Variants in CHTF18 observed in about 807,000 individuals in gnomAD.
The protein encoded by CHTF18 is chromosome transmission fidelity protein 18 homolog.
Under a neutral mutation model 113.4 loss-of-function variants are expected in CHTF18, and 151 were observed. The observed-to-expected ratio is 1.33, with a 90% confidence interval of 1.17 to 1.52. The LOEUF (loss-of-function observed/expected upper bound fraction) is 1.52, where lower values mean the gene tolerates loss of function less well. CHTF18 is among the 40% of genes most tolerant of loss of function. The probability of loss-of-function intolerance (pLI) is 0.00; values close to 1 mark genes in which losing one functional copy is unlikely to be tolerated. For synonymous variants in CHTF18, 916 were observed against 598.8 expected, an observed-to-expected ratio of 1.53 and a Z score of -7.74; for missense variants, 1,982 against 1,381.6, an observed-to-expected ratio of 1.43 and a Z score of -6.89.
At chr16:789,444 G>T in intron 3 of CHTF18, 84 bp downstream of exon 3, 1 of 1,533,326 alleles carries the variant, frequency 6.5e-7, no homozygotes, top group South Asian at 1.2e-5. Flanking sequence ...GATGAGGCCT[G>T]GGGGGTGGGG....
At chr16:796,232 AG>A (rs199635077) in intron 18 of CHTF18, among the ~76,000 whole-genome samples, 155 bp downstream of exon 18, 3,060 of 152,292 alleles carry the variant, frequency 0.02, 39 homozygotes, top group Non-Finnish European at 0.03. Context: ...GTAACCGTGA[AG>A]GGGGGTCACT....
rs781238745 is a variant in CHTF18 at position 788,656 on chromosome 16, C to A, written c.-29C>A. On this transcript the variant is annotated 5_prime_UTR_variant, in exon 1 of 22. Coordinates refer to ENST00000262315, the MANE Select transcript of CHTF18 (RefSeq NM_022092.3). The stretch of plus-strand genomic sequence containing the variant: ...GACGGCGGCGGCGGCGCGGGAGGTT[C>A]GGAGCGGGAGCTCGGGCTCGCGGAC... 2.0e-6 allele frequency: 3 copies of A among 1,489,950 alleles called. No individual in the cohort carries two copies. The highest frequency in any genetic ancestry group is 1.5e-5 in the African/African-American group (1 of 68,790). 92.3% of individuals were successfully genotyped at this position (1,489,950 alleles called of 1,614,324 possible).
rs776114165 is a variant in CHTF18 at position 789,111 on chromosome 16, G to C, written c.272G>C (p.Gly91Ala). 5.8e-5 allele frequency: 89 copies of C among 1,536,324 alleles called. No individual in the cohort carries two copies. In the South Asian group the frequency reaches 9.5e-4, roughly 16 times the overall value. ...RQVDADLQPA[G>A]SLPHAPRIKR... ...GTGGACGCCGACCTGCAGCCGGCCG[G>C]GTCCCTGCCCCACGGTAGGTTGGCG... Residue 91 changes from glycine to alanine, a missense_variant, in exon 2 of 22, where the codon GGG becomes GCG. Transcript: ENST00000262315.
intron 12 of CHTF18, 59 bp downstream of exon 12, chr16:792,870 C>T: frequency 3.9e-6 from 6 of 1,529,386 alleles, no homozygotes; most frequent in Middle Eastern, 1.8e-4. Flanking sequence ...TGGCCTCGTT[C>T]TGGCCCCTGT....
Position 794,214 on chromosome 16 carries a change from C to T in CHTF18, c.1950+13C>T. On this transcript the variant is annotated intron_variant, in intron 15 of 21. Transcript: ENST00000262315. Reference sequence around the variant, plus strand: ...GAAGGTGGTCCAGGTACCTGTCTTCCACCAAAATGCCTGCCTGGGGCCGCC... The same window carrying T: ...GAAGGTGGTCCAGGTACCTGTCTTCTACCAAAATGCCTGCCTGGGGCCGCC... The T allele has an allele frequency of 1.2e-6, 2 of 1,607,188 alleles. No individual in the cohort carries two copies. The highest frequency in any genetic ancestry group is 1.7e-6 in the Non-Finnish European group (2 of 1,175,612).
At position 795,714 on chromosome 16, in the gene CHTF18, C is replaced by A; in HGVS notation, c.2205C>A (p.Asn735Lys). The A allele has an allele frequency of 6.2e-7, 1 of 1,605,064 alleles. No individual in the cohort carries two copies. Among genetic ancestry groups the A allele is most frequent in the Non-Finnish European group, 8.5e-7 (1 of 1,177,680 alleles). ...AGAACCGGATGAGCCAGATGAGGAA[C>A]CTGATCCAGACGCTGGTGTCCGGCA... ...EAQNRMSQMR[N>K]LIQTLVSGIA... The change falls in exon 17 of 22, where the codon AAC becomes AAA. Residue 735 changes from asparagine to lysine, a missense_variant. Transcript: ENST00000262315.
chr16:793,480 T>A (rs1481045711), intron 14 of CHTF18, among the ~76,000 whole-genome samples: 2 of 152,086 alleles, frequency 1.3e-5, no homozygotes, highest in African/African-American at 4.8e-5. Context: ...TAGAGAAGCC[T>A]CCAGGGCCCC....
intron 14 of CHTF18, 142 bp from the exon 15 acceptor site, chr16:793,912 C>G (rs2042268011): frequency 1.1e-6 from 1 of 932,948 alleles, no homozygotes; most frequent in South Asian, 1.6e-5. Flanking sequence ...GCTGTCTCCA[C>G]CTGAGCGAGG....
At chr16:797,592 T>G in intron 20 of CHTF18, 102 bp from the exon 21 acceptor site, 2 of 1,304,228 alleles carry the variant, frequency 1.5e-6, no homozygotes, top group Non-Finnish European at 2.2e-6. Flanking sequence ...TCAGAGGTGT[T>G]CTGGTCCCTC....
At chr16:791,769 A>G (rs1596754388) in intron 8 of CHTF18, 82 bp from the exon 9 acceptor site, 4 of 1,511,178 alleles carry the variant, frequency 2.6e-6, no homozygotes, top group Non-Finnish European at 3.5e-6. Flanking sequence ...CCTGTGGGAC[A>G]CATGTGGCAG....
At position 794,045 on chromosome 16, in the gene CHTF18, C is replaced by T. The variant is rs371946991; in HGVS notation, c.1803-9C>T. On this transcript the variant is annotated splice_polypyrimidine_tract_variant and intron_variant, in intron 14 of 21. Transcript: ENST00000262315. ...ACGGGTCCATCTAGCTTCAGCACCC[C>T]ACCTGCAGGCGCCGTGTGGGCCAGG... is the stretch of plus-strand genomic sequence containing the variant. The T allele has an allele frequency of 4.9e-5, 79 of 1,607,004 alleles. No individual in the cohort carries two copies. The highest frequency in any genetic ancestry group is 1.9e-4 in the Middle Eastern group (1 of 5,130).
Position 797,680 on chromosome 16 carries a change from C to T in CHTF18, c.2734-14C>T, listed in dbSNP as rs751994991. The T allele has an allele frequency of 2.5e-5, 41 of 1,611,150 alleles. No homozygotes were observed. In the East Asian group the frequency reaches 3.6e-4, roughly 14 times the overall value. On this transcript the variant is annotated splice_polypyrimidine_tract_variant and intron_variant, in intron 20 of 21. Transcript: ENST00000262315. ...ATCTGTCCTATACGACTGACTAGTC[C>T]TTCCTCCCATCAGCCTGAGAAGGAC...
Position 792,760 on chromosome 16 carries a change from G to T in CHTF18, c.1521G>T (p.Leu507=). The T allele has an allele frequency of 6.4e-7, 1 of 1,550,736 alleles. No homozygotes were observed. The highest frequency in any genetic ancestry group is 2.4e-5 in the East Asian group (1 of 41,376). Residue 507 remains leucine, a synonymous_variant, in exon 12 of 22, where the codon CTG becomes CTT. Transcript: ENST00000262315. ...GGCAGCTGAAGCAGCAGGCCTTCCTGCTCCACTTCCCGCCGACTCTGCCCT... is the reference window on the plus strand; with the variant it reads ...GGCAGCTGAAGCAGCAGGCCTTCCTTCTCCACTTCCCGCCGACTCTGCCCT... ...SLRQLKQQAF[L]LHFPPTLPSR... is the part of the protein sequence containing the mutation.
Position 790,375 on chromosome 16 carries a change from A to T in CHTF18, c.728A>T (p.Gln243Leu). 6.2e-7 allele frequency: 1 copy of T among 1,612,028 alleles called. No homozygotes were observed. The highest frequency in any genetic ancestry group is 8.5e-7 in the Non-Finnish European group (1 of 1,179,696). Residue 243 changes from glutamine (Q) to leucine (L), a missense_variant, in exon 6 of 22, where the codon CAG becomes CTG. Physicochemically the swap from Gln to Leu is moderately radical, Grantham distance 113. Transcript: ENST00000262315. ...CGGGAGCGGCTGCTTCAGGAGGCCC[A>T]GAAGCTTTCAGACACCCTGCACAGG... The part of the protein sequence containing the change: ...ERRERLLQEA[Q>L]KLSDTLHSLR...
chr16:789,319 G>A lies in CHTF18; in HGVS notation c.396G>A (p.Pro132=), dbSNP rs747132470. The A allele has an allele frequency of 1.1e-5, 17 of 1,601,130 alleles. No homozygotes were observed. Among genetic ancestry groups the A allele is most frequent in the Non-Finnish European group, 1.3e-5 (15 of 1,174,836 alleles). ...PPDSSPTDIT[P]PPSPEDLAEL... The stretch of plus-strand genomic sequence containing the variant: ...ACTCCTCGCCGACGGACATCACCCC[G>A]CCGCCGAGCCCTGAGGACCTCGCAG... Residue 132 remains proline, a synonymous_variant, in exon 3 of 22, where the codon CCG becomes CCA. Transcript: ENST00000262315.
intron 4 of CHTF18, chr16:789,968 C>G (rs756383680): frequency 2.6e-6 from 4 of 1,534,576 alleles, no homozygotes; most frequent in East Asian, 4.9e-5. Flanking sequence ...TTGCCCTTTC[C>G]TCCTTTCTCC....
In CHTF18 at chr16:795,943, C is replaced by T. The variant is rs368870573; in HGVS notation, c.2326-4C>T. The stretch of plus-strand genomic sequence containing the variant: ...CTCCCTGTCTGCTGCCTCCCATCCC[C>T]TAGGTGAGCACACAGCTGTACAGCA... On this transcript the variant is annotated splice_polypyrimidine_tract_variant and splice_region_variant and intron_variant, in intron 17 of 21. Coordinates refer to ENST00000262315, the MANE Select transcript of CHTF18 (RefSeq NM_022092.3). 5 of 1,609,842 alleles carry T rather than the reference C, an allele frequency of 3.1e-6. No homozygotes were observed. The highest frequency in any genetic ancestry group is 1.3e-5 in the African/African-American group (1 of 74,832).
chr16:789,552 C>T lies in CHTF18; in HGVS notation c.443C>T (p.Ser148Leu). 6.2e-7 allele frequency: 1 copy of T among 1,600,786 alleles called. No individual in the cohort carries two copies. The highest frequency in any genetic ancestry group is 2.2e-5 in the East Asian group (1 of 44,714). ...DLAELWGHGV[S>L]EAAADVGLTR... ...GAGCCCCGGTCTCTCTCCAGAGTCT[C>T]AGAAGCTGCTGCCGACGTGGGTCTC... Residue 148 changes from serine to leucine, a missense_variant, in exon 4 of 22, where the codon TCA (serine) becomes TTA (leucine). Physicochemically the swap from Ser to Leu is moderately radical, Grantham distance 145. Coordinates refer to ENST00000262315, the MANE Select transcript of CHTF18 (RefSeq NM_022092.3).
chr16:797,044 T>C lies in CHTF18; in HGVS notation c.2685T>C (p.His895=), dbSNP rs534164315. 3.8e-6 allele frequency: 6 copies of C among 1,561,182 alleles called. No homozygotes were observed. Among genetic ancestry groups the C allele is most frequent in the East Asian group, 4.6e-5 (2 of 43,874 alleles). Residue 895 remains histidine (H), a synonymous_variant, in exon 20 of 22, where the codon CAT becomes CAC. Transcript: ENST00000262315. ...KGVHRPAPRN[H]EQRLEHIMRR... ...TGCACCGACCTGCCCCACGCAACCATGAGCAGCGGCTGGAGCACATCATGA... is the reference window on the plus strand; with the variant it reads ...TGCACCGACCTGCCCCACGCAACCACGAGCAGCGGCTGGAGCACATCATGA...
Sources: gnomAD v4.1 joint callset for allele counts (sites outside exome capture counted in the v4.1 genomes callset) on GRCh38, gnomAD v4.1.1 for gene constraint, MANE v1.5 for transcripts, NCBI Gene and HGNC (gene_info 2026-07-23, HGNC 2026-07-21) for gene names.